CFAP58: variants seen among roughly 807,000 people sequenced by gnomAD.
CFAP58 encodes the protein cilia and flagella associated protein 58.
Under a neutral mutation model 119.5 loss-of-function variants are expected in CFAP58, and 88 were observed. That is an observed-to-expected ratio of 0.74 (90% CI 0.62 to 0.88). The LOEUF is 0.88. CFAP58 is among the 40% of genes least tolerant of loss of function. The probability of loss-of-function intolerance (pLI) is 0.00; values close to 1 mark genes in which losing one functional copy is unlikely to be tolerated. For missense variants in CFAP58, 990 were observed against 1,021.2 expected (o/e 0.97, Z 0.42); for synonymous variants, 365 against 366.3 (o/e 1.00, Z 0.04).
intron 2 of CFAP58, among the ~76,000 whole-genome samples, chr10:104,361,281 A>G (rs1038105385): frequency 6.6e-6 from 1 of 152,214 alleles, no homozygotes; most frequent in African/African-American, 2.4e-5. Context: ...ATTCCCCGTT[A>G]TGGGTTTTCT....
At chr10:104,346,241 T>C in the CFAP58 span, among the ~76,000 whole-genome samples, 1 of 152,042 alleles carries the variant, frequency 6.6e-6, no homozygotes, top group African/African-American at 2.4e-5. Flanking sequence ...TCATGAGGGA[T>C]CTACCCCCCA....
intron 1 of CFAP58, among the ~76,000 whole-genome samples, chr10:104,356,771 T>C (rs567035434): frequency 6.6e-6 from 1 of 152,342 alleles, no homozygotes; most frequent in African/African-American, 2.4e-5. Flanking sequence ...AATTCTATGC[T>C]TTCATTAACT....
chr10:104,342,800 G>A, the CFAP58 span, among the ~76,000 whole-genome samples: 4 of 141,724 alleles, frequency 2.8e-5, no homozygotes, highest in Non-Finnish European at 4.5e-5. Flanking sequence ...ACCCGAGATC[G>A]TGCCACTGCA....
intron 1 of CFAP58, among the ~76,000 whole-genome samples, chr10:104,357,926 C>CATATACACACATATATGTACAT (rs1564875963): frequency 7.9e-5 from 8 of 100,742 alleles, no homozygotes; most frequent in African/African-American, 4.3e-4. Flanking sequence ...TATATGTACA[C>CATATACACACATATATGTACAT]ATATACACAC....
rs185514568 is a variant in CFAP58 at position 104,452,846 on chromosome 10, C to G, written c.2511-1576C>G. Among the ~76,000 whole-genome samples, 283 of 152,272 alleles carry G rather than the reference C, an allele frequency of 1.9e-3. 1 individual carries two copies. Among genetic ancestry groups the G allele is most frequent in the African/African-American group, 6.4e-3 (265 of 41,556 alleles). ...TACACGCTTATTACTAGTAGCCACT[C>G]TGACCTAGTTAGGGTTCCTTTGGTG... On this transcript the variant is annotated intron_variant, in intron 17 of 17. Coordinates refer to ENST00000369704, the MANE Select transcript of CFAP58 (RefSeq NM_001008723.2).
chr10:104,340,957 G>T, the CFAP58 span, among the ~76,000 whole-genome samples: 1 of 152,078 alleles, frequency 6.6e-6, no homozygotes, highest in Non-Finnish European at 1.5e-5. Context: ...GTTTATCCCG[G>T]CCCTGGATGA....
At chr10:104,348,865 A>G (rs2014427763), upstream of CFAP58, among the ~76,000 whole-genome samples, 1 of 152,192 alleles carries the variant, frequency 6.6e-6, no homozygotes, top group Non-Finnish European at 1.5e-5. Context: ...GATTCACTGA[A>G]CAGTTACTTA....
chr10:104,407,758 G>T (rs765808972), intron 15 of CFAP58, among the ~76,000 whole-genome samples: 1 of 152,060 alleles, frequency 6.6e-6, no homozygotes, highest in African/African-American at 2.4e-5. Context: ...GTGCAGTGGC[G>T]CCATCTCGGT....
chr10:104,372,920 A>G (rs1053691072), intron 7 of CFAP58, among the ~76,000 whole-genome samples: 1 of 152,214 alleles, frequency 6.6e-6, no homozygotes, highest in African/African-American at 2.4e-5. Flanking sequence ...CACTGGGCAT[A>G]ATGGTTAGGA....
At chr10:104,425,246 G>A (rs2012724304) in intron 15 of CFAP58, among the ~76,000 whole-genome samples, 1 of 152,190 alleles carries the variant, frequency 6.6e-6, no homozygotes, top group African/African-American at 2.4e-5. Context: ...AGGTACATTT[G>A]GAAACAAATG....
Position 104,400,878 on chromosome 10 carries a change from A to T in CFAP58, c.2014A>T (p.Ser672Cys), listed in dbSNP as rs759957049. 6.2e-7 allele frequency: 1 copy of T among 1,614,118 alleles called. No individual in the cohort carries two copies. The highest frequency in any genetic ancestry group is 1.7e-5 in the Admixed American group (1 of 60,008). The change falls in exon 13 of 18, where the codon AGT becomes TGT. Residue 672 changes from serine (S) to cysteine (C), a missense_variant. By Grantham distance (112) the Ser-to-Cys change is moderately radical (BLOSUM62 -1). Transcript: ENST00000369704. ...LRREKGILARSMANVEELRQE... is the reference protein window; with the variant it reads ...LRREKGILARCMANVEELRQE... ...CCGGGAAAAGGGGATTCTTGCCAGG[A>T]GTATGGCTAATGTTGAAGAACTCAG...
chr10:104,339,931 G>A, the CFAP58 span, among the ~76,000 whole-genome samples: 2 of 152,166 alleles, frequency 1.3e-5, no homozygotes, highest in African/African-American at 4.8e-5. Flanking sequence ...AAGAGCGCTG[G>A]GCTGAGCTTT....
chr10:104,428,877 C>CGTCTGCTT (rs2012796566), intron 15 of CFAP58, among the ~76,000 whole-genome samples: 2 of 152,168 alleles, frequency 1.3e-5, no homozygotes, highest in African/African-American at 4.8e-5. Context: ...TAGATCAGGC[C>CGTCTGCTT]ATCTGCCGAG....
At chr10:104,413,221 G>C (rs145101475) in intron 15 of CFAP58, among the ~76,000 whole-genome samples, 1 of 152,210 alleles carries the variant, frequency 6.6e-6, no homozygotes, top group African/African-American at 2.4e-5. Context: ...TGGCCTTTGC[G>C]TTTTTTTATT....
intron 7 of CFAP58, 22 bp from the exon 8 acceptor site, chr10:104,376,789 T>C: frequency 6.2e-7 from 1 of 1,600,128 alleles, no homozygotes; most frequent in Non-Finnish European, 8.6e-7. Context: ...TTTATTATTA[T>C]TTTTTCTCCC....
chr10:104,365,752 G>A, intron 4 of CFAP58, 62 bp from the exon 5 acceptor site: 1 of 1,459,744 alleles, frequency 6.9e-7, no homozygotes. Context: ...GGGCTTGGCT[G>A]GCTGAGACCT....
intron 15 of CFAP58, among the ~76,000 whole-genome samples, chr10:104,446,528 G>C (rs1259115248): frequency 6.6e-6 from 1 of 152,106 alleles, no homozygotes; most frequent in Non-Finnish European, 1.5e-5. Context: ...TATATTTTCT[G>C]CTAAAAGCAG....
chr10:104,380,292 C>A, intron 9 of CFAP58, 72 bp downstream of exon 9: 1 of 1,329,066 alleles, frequency 7.5e-7, no homozygotes, highest in Non-Finnish European at 1.1e-6. Flanking sequence ...TGGTCACAAA[C>A]TGTTGCAAAG....
At chr10:104,385,513 A>G (rs1376185415) in intron 9 of CFAP58, among the ~76,000 whole-genome samples, 1 of 152,202 alleles carries the variant, frequency 6.6e-6, no homozygotes. Flanking sequence ...AACAGAATTG[A>G]TTGTTGTGGA....
Sources: gnomAD v4.1 joint callset for allele counts (sites outside exome capture counted in the v4.1 genomes callset) on GRCh38, gnomAD v4.1.1 for gene constraint, MANE v1.5 for transcripts, NCBI Gene and HGNC (gene_info 2026-07-23, HGNC 2026-07-21) for gene names.